The following ACBD5 variants were observed in gnomAD, a reference collection of about 807,000 sequenced individuals.
The protein encoded by ACBD5 is acyl-CoA binding domain containing 5.
In ACBD5, 40 loss-of-function variants were observed where a neutral mutation model predicts 71.8. The ratio of observed to expected loss-of-function variants is 0.56; its 90% CI spans 0.43 to 0.72. The LOEUF (loss-of-function observed/expected upper bound fraction) is 0.72, where lower values mean the gene tolerates loss of function less well. Ranked by LOEUF, ACBD5 falls within the 30% of genes least tolerant of loss-of-function variation. The pLI is 0.00. For synonymous variants in ACBD5, 229 were observed against 218.6 expected (o/e 1.05, Z -0.42); for missense variants, 559 against 644.5 (o/e 0.87, Z 1.44).
chr10:27,240,428 T>C lies in ACBD5; in HGVS notation c.72A>G (p.Arg24=), dbSNP rs2065335819. 1.2e-6 allele frequency: 2 copies of C among 1,613,824 alleles called. No individual in the cohort carries two copies. Among genetic ancestry groups the C allele is most frequent in the Non-Finnish European group, 1.7e-6 (2 of 1,179,992 alleles). Residue 24 remains arginine, a synonymous_variant, in exon 2 of 13, where the codon AGA becomes AGG. Coordinates refer to ENST00000396271, the MANE Select transcript of ACBD5 (RefSeq NM_145698.5). The surrounding 1 kb of genome is among the most constrained non-coding windows in gnomAD (Gnocchi z 4.1). ...GCCAGTGTTGGCCCCGGTCCCAAGG[T>C]CTGTCGGCGGGAATCAGGCAGCAGC... ...WCCCCLIPAD[R]PWDRGQHWQL...
In ACBD5 at chr10:27,204,517, A is replaced by G. The variant is rs1428501267; in HGVS notation, c.1488T>C (p.Pro496=). 5 of 1,614,142 alleles carry G rather than the reference A, an allele frequency of 3.1e-6. No homozygotes were observed. The highest frequency in any genetic ancestry group is 4.2e-6 in the Non-Finnish European group (5 of 1,179,976). Residue 496 remains proline, a synonymous_variant, in exon 12 of 13, where the codon CCT becomes CCC. Coordinates refer to ENST00000396271, the MANE Select transcript of ACBD5 (RefSeq NM_145698.5). ...ATATGATGGCAAACGTTAGCACACC[A>G]GGAGACATCTCGAAGGGCCACCAAG... ...RPSWWPFEMS[P]GVLTFAIIWP...
At chr10:27,199,555 T>C (rs533319752) in intron 12 of ACBD5, among the ~76,000 whole-genome samples, 40 of 152,322 alleles carry the variant, frequency 2.6e-4, no homozygotes, top group South Asian at 1.2e-3. Flanking sequence ...TGCCTTTCCC[T>C]TCGCCGCGGT....
intron 4 of ACBD5, among the ~76,000 whole-genome samples, chr10:27,229,844 A>G (rs1223929956): frequency 6.6e-6 from 1 of 152,200 alleles, no homozygotes; most frequent in Admixed American, 6.5e-5. Flanking sequence ...ACGCAATGAA[A>G]TTTTTAAAGT....
intron 4 of ACBD5, among the ~76,000 whole-genome samples, chr10:27,225,088 T>TC (rs2062849809): frequency 6.6e-6 from 1 of 150,946 alleles, no homozygotes; most frequent in African/African-American, 2.4e-5. Context: ...TTTTTTTTTT[T>TC]TTTTGGAGAC....
intron 2 of ACBD5, among the ~76,000 whole-genome samples, chr10:27,239,430 C>T (rs60224290): frequency 0.026 from 3,938 of 151,896 alleles, 142 homozygotes; most frequent in African/African-American, 0.085. Flanking sequence ...TGCTGAAAAC[C>T]GAAGATAGAA....
chr10:27,224,698 TAA>T (rs2062783560), intron 4 of ACBD5, among the ~76,000 whole-genome samples: 1 of 152,214 alleles, frequency 6.6e-6, no homozygotes, highest in Non-Finnish European at 1.5e-5. Context: ...TTAAAAAGAA[TAA>T]AGTCAGCTCT....
Position 27,204,516 on chromosome 10 carries a change from C to A in ACBD5, c.1489G>T (p.Gly497Cys). 1 of 1,614,020 alleles carries A rather than the reference C, an allele frequency of 6.2e-7. No individual in the cohort carries two copies. The highest frequency in any genetic ancestry group is 8.5e-7 in the Non-Finnish European group (1 of 1,179,956). Residue 497 changes from glycine (G) to cysteine (C), a missense_variant, in exon 12 of 13, where the codon GGT becomes TGT. Physicochemically the swap from Gly to Cys is radical, Grantham distance 159 (BLOSUM62 -3). Coordinates refer to ENST00000396271, the MANE Select transcript of ACBD5 (RefSeq NM_145698.5). ...CATATGATGGCAAACGTTAGCACAC[C>A]AGGAGACATCTCGAAGGGCCACCAA... ...PSWWPFEMSP[G>C]VLTFAIIWPF... is the part of the protein sequence containing the mutation.
At chr10:27,193,446 G>C (rs1210231088), downstream of ACBD5, 5 of 151,470 alleles carry the variant, frequency 3.3e-5, no homozygotes, top group African/African-American at 1.2e-4. Flanking sequence ...AAAAAAAAAA[G>C]AACTGATAAG....
intron 4 of ACBD5, among the ~76,000 whole-genome samples, chr10:27,226,634 TC>T (rs199625615): frequency 9.3e-4 from 92 of 98,942 alleles, no homozygotes; most frequent in East Asian, 9.1e-3. Context: ...TCGTAAACTT[TC>T]TTTTTTTTTT....
At chr10:27,194,648 T>TAATAATAATAAG (rs1554822403), downstream of ACBD5, among the ~76,000 whole-genome samples, 2 of 148,574 alleles carry the variant, frequency 1.3e-5, no homozygotes, top group Admixed American at 6.8e-5. Flanking sequence ...ATAATAATAA[T>TAATAATAATAAG]AAGATGGTTG....
intron 13 of ACBD5, chr10:27,186,664 G>A (rs1588839778): frequency 2.3e-6 from 2 of 871,788 alleles, no homozygotes; most frequent in South Asian, 2.7e-5. Context: ...TGCTTTTAAT[G>A]TACGTTACAG....
chr10:27,215,661 C>T lies in ACBD5; in HGVS notation c.830-20G>A, dbSNP rs764353084. On this transcript the variant is annotated intron_variant, in intron 7 of 12. Transcript: ENST00000396271. The stretch of plus-strand genomic sequence containing the variant: ...TTATATCTAAATATGAACAAAAGTG[C>T]AGATAGGGTAATTATACTATAGTAG... The T allele has an allele frequency of 5.2e-6, 8 of 1,532,760 alleles. No individual in the cohort carries two copies. Among genetic ancestry groups the T allele is most frequent in the Non-Finnish European group, 6.3e-6 (7 of 1,109,064 alleles). 94.9% of individuals were successfully genotyped at this position (1,532,760 alleles called of 1,614,324 possible).
chr10:27,220,886 G>GA lies in ACBD5; in HGVS notation c.491-1030dup, dbSNP rs1275278378. Among the ~76,000 whole-genome samples the GA allele has an allele frequency of 2.9e-4, 43 of 149,976 alleles. No individual in the cohort carries two copies. The East Asian group carries it at 6.6e-3, about 23-fold the overall frequency. On this transcript the variant is annotated intron_variant, in intron 5 of 12. Transcript: ENST00000396271. ...TACTTTTAAGGAAATGCTTTGTTTAGAAAAAAAAAGGCAAGACTGCAAACT... is the reference window on the plus strand; with the variant it reads ...TACTTTTAAGGAAATGCTTTGTTTAGAAAAAAAAAAGGCAAGACTGCAAACT...
rs76014873 is a variant in ACBD5 at position 27,235,503 on chromosome 10, C to G, written c.182-291G>C. 0.04 allele frequency among the ~76,000 whole-genome samples: 6,164 copies of G among 152,224 alleles called. 150 individuals carry two copies. Among genetic ancestry groups the G allele is most frequent in the African/African-American group, 0.071 (2,956 of 41,522 alleles). ...TATAACCAAAATAACCTGCAAATGT[C>G]TCTTTAAAAACATACTAAAATATAG... On this transcript the variant is annotated intron_variant, in intron 2 of 12. Transcript: ENST00000396271.
At chr10:27,200,846 T>C (rs969813647) in intron 12 of ACBD5, among the ~76,000 whole-genome samples, 1 of 152,168 alleles carries the variant, frequency 6.6e-6, no homozygotes, top group Non-Finnish European at 1.5e-5. Flanking sequence ...GAACTCCCTC[T>C]TGGGGTCTGG....
At chr10:27,208,890 T>C (rs930547792) in intron 9 of ACBD5, among the ~76,000 whole-genome samples, 1 of 152,080 alleles carries the variant, frequency 6.6e-6, no homozygotes, top group African/African-American at 2.4e-5. Context: ...AGGAAGTACA[T>C]AAAATAAACT....
At chr10:27,207,075 A>G (rs1272160953) in intron 10 of ACBD5, among the ~76,000 whole-genome samples, 2 of 151,750 alleles carry the variant, frequency 1.3e-5, no homozygotes, top group African/African-American at 4.8e-5. Flanking sequence ...CAGGAGATCA[A>G]GACCACCCTG....
rs1173464220 is a variant in ACBD5 at position 27,240,596 on chromosome 10, C to T, written c.15+78G>A. ...CCTATCCAGGCCACACAGATCGAAG[C>T]GGCCCGGCTCCTTCCTCCTCCCCCG... On this transcript the variant is annotated intron_variant, in intron 1 of 12. Transcript: ENST00000396271. This position sits in a 1 kb window ranked among gnomAD's most constrained non-coding sequence, Gnocchi z 4.1. 54 of 1,550,974 alleles carry T rather than the reference C, an allele frequency of 3.5e-5. No individual in the cohort carries two copies. The East Asian group carries it at 1.3e-3, about 36-fold the overall frequency.
At chr10:27,197,865 A>G (rs1227624689) in intron 12 of ACBD5, among the ~76,000 whole-genome samples, 1 of 152,102 alleles carries the variant, frequency 6.6e-6, no homozygotes, top group Non-Finnish European at 1.5e-5. Context: ...TCCTGACCTC[A>G]GGTGATCTAC....
Sources: gnomAD v4.1 joint callset for allele counts (sites outside exome capture counted in the v4.1 genomes callset) on GRCh38, gnomAD v4.1.1 for gene constraint, Gnocchi (gnomAD v3.1) non-coding constraint, MANE v1.5 for transcripts, NCBI Gene and HGNC (gene_info 2026-07-23, HGNC 2026-07-21) for gene names.